Variants in ASTN1 observed in about 807,000 individuals in gnomAD.
The protein encoded by ASTN1 is astrotactin-1.
ASTN1 carries 41 observed loss-of-function variants against 140.7 expected under a neutral mutation model. The observed-to-expected ratio is 0.29, with a 90% CI of 0.23 to 0.38. ASTN1 has a LOEUF of 0.38. ASTN1 is among the 10% of genes least tolerant of loss of function. ASTN1 has a pLI of 1.00. For synonymous variants in ASTN1, 640 were observed against 652.2 expected (o/e 0.98, Z 0.29); for missense variants, 1,479 against 1,678.8 (o/e 0.88, Z 2.08).
intron 10 of ASTN1, 151 bp downstream of exon 10, chr1:176,958,194 C>T (rs1672499492): frequency 8.3e-7 from 1 of 1,199,352 alleles, no homozygotes; most frequent in African/African-American, 1.5e-5. Context: ...AAAAGCAGAC[C>T]CTGGCACAAC....
intron 1 of ASTN1, among the ~76,000 whole-genome samples, chr1:177,068,158 A>T (rs1314224154): frequency 1.3e-5 from 2 of 152,216 alleles, no homozygotes; most frequent in Non-Finnish European, 2.9e-5. Flanking sequence ...TTCAGAGAAC[A>T]ATTGGGAAAG....
intron 18 of ASTN1, among the ~76,000 whole-genome samples, chr1:176,887,078 C>T (rs1486955002): frequency 6.6e-6 from 1 of 152,218 alleles, no homozygotes; most frequent in Admixed American, 6.5e-5. Context: ...CTCTTCACCC[C>T]TCAAATGCAG....
intron 7 of ASTN1, among the ~76,000 whole-genome samples, chr1:177,015,392 T>C (rs1313967277): frequency 2.0e-5 from 3 of 152,218 alleles, no homozygotes; most frequent in African/African-American, 2.4e-5. Flanking sequence ...GAGTTAATGT[T>C]TGAGCCTATG....
intron 11 of ASTN1, among the ~76,000 whole-genome samples, chr1:176,952,142 A>G (rs560999877): frequency 2.6e-5 from 4 of 152,180 alleles, no homozygotes; most frequent in Non-Finnish European, 5.9e-5. Context: ...CAACAAAGCA[A>G]AGCAATCCTG....
At chr1:177,021,394 C>CTGT (rs1361015804) in intron 7 of ASTN1, among the ~76,000 whole-genome samples, 1 of 152,178 alleles carries the variant, frequency 6.6e-6, no homozygotes, top group Non-Finnish European at 1.5e-5. Context: ...GAGAGCTTTG[C>CTGT]TGTAGACAAG....
chr1:176,863,370 G>A lies in ASTN1; in HGVS notation c.*914C>T, dbSNP rs560886266. The A allele has an allele frequency of 6.1e-6, 6 of 985,868 alleles. No homozygotes were observed. The East Asian group carries it at 3.4e-4, about 56-fold the overall frequency. 61.1% of individuals were successfully genotyped at this position (985,868 alleles called of 1,614,324 possible). ...CAAGCCTTACCTGTCCAAGGTAAGA[G>A]GTGTGGGGGTTAAAGATAATCCAGG... On this transcript the variant is annotated 3_prime_UTR_variant, in exon 23 of 23. Transcript: ENST00000361833.
intron 2 of ASTN1, among the ~76,000 whole-genome samples, chr1:177,053,358 A>T (rs1319779693): frequency 6.6e-6 from 1 of 152,218 alleles, no homozygotes; most frequent in African/African-American, 2.4e-5. Flanking sequence ...GGGTAGCATA[A>T]GGCCTCTGTG....
intron 11 of ASTN1, among the ~76,000 whole-genome samples, chr1:176,952,234 CT>C (rs1672219746): frequency 8.5e-6 from 1 of 117,756 alleles, no homozygotes; most frequent in South Asian, 2.7e-4. Context: ...CTAGTATTTT[CT>C]TTCTTTCTTT....
intron 16 of ASTN1, among the ~76,000 whole-genome samples, chr1:176,900,722 G>T (rs1229745077): frequency 6.6e-6 from 1 of 152,132 alleles, no homozygotes; most frequent in Non-Finnish European, 1.5e-5. Context: ...TTTAGTAAAG[G>T]TGTAGGAAAG....
chr1:176,874,570 C>T (rs1371414617), intron 21 of ASTN1, among the ~76,000 whole-genome samples: 2 of 152,154 alleles, frequency 1.3e-5, no homozygotes, highest in African/African-American at 2.4e-5. Flanking sequence ...TTACTCCACT[C>T]TGAATCTCAA....
chr1:177,004,808 C>T (rs72720703), intron 8 of ASTN1, among the ~76,000 whole-genome samples: 8,343 of 152,188 alleles, frequency 0.055, 353 homozygotes, highest in Non-Finnish European at 0.082. Flanking sequence ...CTATCCCTCA[C>T]CATACATAAA....
chr1:177,068,466 C>T (rs1678471388), intron 1 of ASTN1, among the ~76,000 whole-genome samples: 1 of 152,080 alleles, frequency 6.6e-6, no homozygotes, highest in Non-Finnish European at 1.5e-5. Flanking sequence ...GTGACATTAC[C>T]CTTAAAGGCA....
rs370985781 is a variant in ASTN1, at chr1:176,864,368, C to T, written c.3801G>A (p.Glu1267=). The T allele has an allele frequency of 5.6e-5, 91 of 1,614,078 alleles. 1 individual carries two copies. The highest frequency in any genetic ancestry group is 3.3e-4 in the Middle Eastern group (2 of 6,060). Residue 1267 remains glutamate, a synonymous_variant, in exon 23 of 23, where the codon GAG becomes GAA. Coordinates refer to ENST00000361833, the MANE Select transcript of ASTN1 (RefSeq NM_004319.3). Reference sequence around the variant, plus strand: ...ACGTCTTCCTGAGGTCCCGGCTGAGCTCCGCCCAGTCAAGTCCGTAGGGTT... The same window carrying T: ...ACGTCTTCCTGAGGTCCCGGCTGAGTTCCGCCCAGTCAAGTCCGTAGGGTT... ...EIKPYGLDWA[E]LSRDLRKTCE...
chr1:177,061,359 G>C (rs146628605), intron 1 of ASTN1, 94 bp from the exon 2 acceptor site: 2 of 1,259,642 alleles, frequency 1.6e-6, no homozygotes, highest in East Asian at 5.3e-5. Flanking sequence ...AGCCAGTTTC[G>C]TCTGAAGCCA....
chr1:176,921,769 C>T (rs578262152), intron 16 of ASTN1, among the ~76,000 whole-genome samples: 1 of 152,222 alleles, frequency 6.6e-6, no homozygotes, highest in East Asian at 1.9e-4. Flanking sequence ...ACATACAAAA[C>T]AGCAAACATG....
chr1:176,894,910 G>A, intron 16 of ASTN1, 80 bp from the exon 17 acceptor site: 1 of 1,565,552 alleles, frequency 6.4e-7, no homozygotes, highest in East Asian at 2.2e-5. Context: ...CCTGAGTGCT[G>A]GGGTCCAATC....
intron 1 of ASTN1, among the ~76,000 whole-genome samples, chr1:177,140,591 T>C (rs1164089972): frequency 6.6e-6 from 1 of 152,222 alleles, no homozygotes; most frequent in Non-Finnish European, 1.5e-5. Flanking sequence ...TATAAGTAGA[T>C]TCATTGGGTG....
intron 16 of ASTN1, among the ~76,000 whole-genome samples, chr1:176,921,665 G>A (rs1407717908): frequency 6.6e-6 from 1 of 152,168 alleles, no homozygotes; most frequent in Non-Finnish European, 1.5e-5. Context: ...CTCACCTTGT[G>A]TTTAATCACT....
At chr1:177,027,074 A>G (rs2101964794) in intron 5 of ASTN1, among the ~76,000 whole-genome samples, 1 of 152,324 alleles carries the variant, frequency 6.6e-6, no homozygotes, top group Non-Finnish European at 1.5e-5. Context: ...CTGCTCCCTG[A>G]CAAGACCATC....
Sources: gnomAD v4.1 joint callset for allele counts (sites outside exome capture counted in the v4.1 genomes callset) on GRCh38, gnomAD v4.1.1 for gene constraint, MANE v1.5 for transcripts, NCBI Gene and HGNC (gene_info 2026-07-23, HGNC 2026-07-21) for gene names.